Variants in COBLL1 observed in about 807,000 individuals in gnomAD.
COBLL1 encodes the protein cordon-bleu protein-like 1.
In COBLL1, 50 loss-of-function variants were observed where a neutral mutation model predicts 94.8. The ratio of observed to expected loss-of-function variants is 0.53; its 90% CI spans 0.42 to 0.67. The LOEUF (loss-of-function observed/expected upper bound fraction) is 0.67. Ranked by LOEUF, COBLL1 falls within the 30% of genes least tolerant of loss-of-function variation. The pLI, the probability that COBLL1 is intolerant of heterozygous loss-of-function variation, is 0.00. For missense variants in COBLL1, 1,362 were observed against 1,348.7 expected, an observed-to-expected ratio of 1.01 and a Z score of -0.15; for synonymous variants, 448 against 473.8, an observed-to-expected ratio of 0.95 and a Z score of 0.71.
rs79862046 is a variant in COBLL1 at position 164,765,217 on chromosome 2, T to C, written c.42-21342A>G. Among the ~76,000 whole-genome samples the C allele has an allele frequency of 5.2e-3, 794 of 152,304 alleles. 12 individuals are homozygous for C. Among genetic ancestry groups the C allele is most frequent in the African/African-American group, 0.018 (733 of 41,562 alleles). On this transcript the variant is annotated intron_variant, in intron 2 of 13. Coordinates refer to ENST00000652658, the MANE Select transcript of COBLL1 (RefSeq NM_001365672.2). ...TCATGACACGTTGCAATGGAATGCATACAGTACCACATATGAAGTACTCTT... is the reference window on the plus strand; with the variant it reads ...TCATGACACGTTGCAATGGAATGCACACAGTACCACATATGAAGTACTCTT...
At chr2:164,673,317 GAGGCAT>G (rs1691277605) in intron 1 of COBLL1, among the ~76,000 whole-genome samples, 1 of 152,194 alleles carries the variant, frequency 6.6e-6, no homozygotes. Flanking sequence ...GCATTAGTTA[GAGGCAT>G]AGTACTTTAT....
At chr2:164,737,900 G>C (rs1304304395) in intron 3 of COBLL1, among the ~76,000 whole-genome samples, 1 of 152,156 alleles carries the variant, frequency 6.6e-6, no homozygotes, top group African/African-American at 2.4e-5. Context: ...GGTGCTATGG[G>C]ACAGGTAAAT....
intron 2 of COBLL1, among the ~76,000 whole-genome samples, chr2:164,778,141 C>T (rs355889): frequency 0.25 from 37,263 of 152,044 alleles, 5,540 homozygotes; most frequent in African/African-American, 0.41. Flanking sequence ...GAAAATCAGA[C>T]AGACTGATCA....
chr2:164,793,160 T>C (rs1683275593), intron 2 of COBLL1, among the ~76,000 whole-genome samples: 1 of 152,176 alleles, frequency 6.6e-6, no homozygotes, highest in South Asian at 2.1e-4. Context: ...TATAATGTAA[T>C]TCAAACCTGT....
At chr2:164,727,395 G>T (rs3769883) in intron 5 of COBLL1, among the ~76,000 whole-genome samples, 28,290 of 151,904 alleles carry the variant, frequency 0.19, 3,250 homozygotes, top group African/African-American at 0.32. Context: ...ATACAAACCA[G>T]CATTATCTAA....
At chr2:164,672,951 C>G (rs932221232) in intron 1 of COBLL1, among the ~76,000 whole-genome samples, 2 of 152,108 alleles carry the variant, frequency 1.3e-5, no homozygotes, top group Non-Finnish European at 2.9e-5. Context: ...ACTGCACCCT[C>G]CCTGCATTGT....
rs960760264 is a variant in COBLL1 at position 164,804,716 on chromosome 2, T to C, written c.41+36440A>G. On this transcript the variant is annotated intron_variant, in intron 2 of 13. Transcript: ENST00000652658. ...TATATTCACCTGTCCATCATGAAGA[T>C]TAGTTAATAAATAATATAATGTGTA... Among the ~76,000 whole-genome samples, 3 of 152,312 alleles carry C rather than the reference T, an allele frequency of 2.0e-5. No homozygotes were observed. In the South Asian group the frequency reaches 6.2e-4, roughly 32 times the overall value.
intron 2 of COBLL1, among the ~76,000 whole-genome samples, chr2:164,772,546 T>C (rs2105253496): frequency 6.6e-6 from 1 of 152,176 alleles, no homozygotes; most frequent in Non-Finnish European, 1.5e-5. Context: ...ATTAATCTTA[T>C]CACTTATTCT....
At chr2:164,760,027 G>A (rs1231953152) in intron 2 of COBLL1, among the ~76,000 whole-genome samples, 1 of 152,134 alleles carries the variant, frequency 6.6e-6, no homozygotes, top group Non-Finnish European at 1.5e-5. Context: ...CATAACGTAT[G>A]ACCCAGTAAT....
chr2:164,698,908 A>G (rs1227201404), intron 11 of COBLL1, among the ~76,000 whole-genome samples: 1 of 152,006 alleles, frequency 6.6e-6, no homozygotes, highest in African/African-American at 2.4e-5. Flanking sequence ...AAGTTGTGCT[A>G]ATATGAGGAT....
intron 2 of COBLL1, among the ~76,000 whole-genome samples, chr2:164,781,043 G>A (rs548697981): frequency 6.6e-6 from 1 of 152,210 alleles, no homozygotes; most frequent in South Asian, 2.1e-4. Flanking sequence ...CAGCAGTAAC[G>A]CATTTCCCTC....
rs1683833304 is a variant in COBLL1, at chr2:164,694,902, T to C, written c.2490A>G (p.Thr830=). The change falls in exon 12 of 14, where the codon ACA becomes ACG. Residue 830 remains threonine (T), a synonymous_variant. Coordinates refer to ENST00000652658, the MANE Select transcript of COBLL1 (RefSeq NM_001365672.2). ...VSPLKPAPKM[T]RDTGTAPFAP... ...CAAAAGGAGCTGTGCCAGTGTCTCTTGTCATTTTGGGAGCAGGTTTCAGAG... is the reference window on the plus strand; with the variant it reads ...CAAAAGGAGCTGTGCCAGTGTCTCTCGTCATTTTGGGAGCAGGTTTCAGAG... The C allele has an allele frequency of 6.2e-7, 1 of 1,613,946 alleles. No homozygotes were observed. Among genetic ancestry groups the C allele is most frequent in the Non-Finnish European group, 8.5e-7 (1 of 1,179,908 alleles).
intron 13 of COBLL1, among the ~76,000 whole-genome samples, chr2:164,690,897 A>T (rs1236250751): frequency 2.0e-5 from 3 of 152,154 alleles, no homozygotes; most frequent in Non-Finnish European, 4.4e-5. Flanking sequence ...ACTTTTCGTG[A>T]GGTTGTGTAA....
intron 2 of COBLL1, among the ~76,000 whole-genome samples, chr2:164,752,843 C>T (rs1305316871): frequency 6.6e-6 from 1 of 152,156 alleles, no homozygotes; most frequent in African/African-American, 2.4e-5. Context: ...AAGTAAATCA[C>T]TTAATTTCTC....
At chr2:164,823,322 A>T (rs1341519453) in intron 2 of COBLL1, among the ~76,000 whole-genome samples, 1 of 152,198 alleles carries the variant, frequency 6.6e-6, no homozygotes, top group Non-Finnish European at 1.5e-5. Context: ...GAAAATCAAC[A>T]AACTGTTGAT....
intron 2 of COBLL1, among the ~76,000 whole-genome samples, chr2:164,659,912 A>G (rs1248348704): frequency 1.3e-5 from 2 of 152,230 alleles, no homozygotes; most frequent in East Asian, 3.9e-4. Context: ...GAAACAAAGC[A>G]ATGAGCTAAT....
intron 2 of COBLL1, among the ~76,000 whole-genome samples, chr2:164,805,325 CTCTCTCTCTCTCTATA>C (rs1204683677): frequency 0.026 from 805 of 31,452 alleles, 21 homozygotes; most frequent in East Asian, 0.073. Context: ...CTCTCTCTCT[CTCTCTCTCTCTCTATA>C]TATATATATA....
chr2:164,785,616 A>C lies in COBLL1; in HGVS notation c.42-41741T>G, dbSNP rs1342597390. On this transcript the variant is annotated intron_variant, in intron 2 of 13. Coordinates refer to ENST00000652658, the MANE Select transcript of COBLL1 (RefSeq NM_001365672.2). The stretch of plus-strand genomic sequence containing the variant: ...GGGGTTAATACAGGAAGTTACACGA[A>C]ATATTTTCATAGGAGCTAGAAGTTC... Among the ~76,000 whole-genome samples, 3 of 152,184 alleles carry C rather than the reference A, an allele frequency of 2.0e-5. No homozygotes were observed. The East Asian group carries it at 5.8e-4, about 29-fold the overall frequency.
chr2:164,743,652 G>A lies in COBLL1; in HGVS notation c.230+35C>T, dbSNP rs772244720. ...GAGACTTTCAATGGTGGAATAAGAA[G>A]GGGAGGTCCTGATATTTCATTTACT... is the stretch of plus-strand genomic sequence containing the variant. On this transcript the variant is annotated intron_variant, in intron 3 of 13. Transcript: ENST00000652658. The A allele has an allele frequency of 5.3e-6, 8 of 1,512,366 alleles. No homozygotes were observed. The South Asian group carries it at 7.9e-5, about 15-fold the overall frequency. The allele number at this position is 1,512,366 out of a possible 1,614,324, so 93.7% of individuals were successfully genotyped here.
Sources: gnomAD v4.1 joint callset for allele counts (sites outside exome capture counted in the v4.1 genomes callset) on GRCh38, gnomAD v4.1.1 for gene constraint, MANE v1.5 for transcripts, NCBI Gene and HGNC (gene_info 2026-07-23, HGNC 2026-07-21) for gene names.